TMEM177: variants seen among roughly 807,000 people sequenced by gnomAD.
The protein encoded by TMEM177 is transmembrane protein 177.
Under a neutral mutation model 14.2 loss-of-function variants are expected in TMEM177, and 4 were observed. The observed-to-expected ratio is 0.28, with a 90% CI of 0.14 to 0.64. The LOEUF (loss-of-function observed/expected upper bound fraction) is 0.64. Ranked by LOEUF, TMEM177 falls within the 30% of genes least tolerant of loss-of-function variation. The pLI, the probability that TMEM177 is intolerant of heterozygous loss-of-function variation, is 0.82. For missense variants in TMEM177, 344 were observed against 405.2 expected (o/e 0.85, Z 1.30); for synonymous variants, 179 against 174.5 (o/e 1.03, Z -0.20).
chr2:119,703,067 G>T, the TMEM177 span, among the ~76,000 whole-genome samples: 2 of 152,236 alleles, frequency 1.3e-5, no homozygotes, highest in Non-Finnish European at 1.5e-5. Flanking sequence ...CTCAGCAGGA[G>T]CCCCCGGGAG....
the TMEM177 span, among the ~76,000 whole-genome samples, chr2:119,722,082 T>G: frequency 6.6e-6 from 1 of 152,104 alleles, no homozygotes; most frequent in African/African-American, 2.4e-5. Context: ...TGACGTTCTG[T>G]TAGAAAGGGA....
chr2:119,688,970 C>G (rs1314616629), downstream of TMEM177, among the ~76,000 whole-genome samples: 2 of 152,188 alleles, frequency 1.3e-5, no homozygotes, highest in East Asian at 3.8e-4. Context: ...TCGTGGGACT[C>G]CTCCAGTAGG....
chr2:119,701,429 C>T, the TMEM177 span, among the ~76,000 whole-genome samples: 4 of 151,588 alleles, frequency 2.6e-5, no homozygotes, highest in South Asian at 2.1e-4. Flanking sequence ...GGCAGGACCG[C>T]GAGTGGGTTG....
downstream of TMEM177, among the ~76,000 whole-genome samples, chr2:119,691,373 G>A (rs965811536): frequency 4.6e-5 from 7 of 152,144 alleles, no homozygotes; most frequent in African/African-American, 9.7e-5. Context: ...CTGAGGAAAC[G>A]GAGCATAGTT....
At chr2:119,697,637 C>A in the TMEM177 span, among the ~76,000 whole-genome samples, 1 of 152,170 alleles carries the variant, frequency 6.6e-6, no homozygotes, top group African/African-American at 2.4e-5. Flanking sequence ...TGCAGGCCCC[C>A]CTTCCCAGAA....
the TMEM177 span, among the ~76,000 whole-genome samples, chr2:119,721,790 A>G: frequency 1.2e-4 from 19 of 152,200 alleles, no homozygotes; most frequent in Admixed American, 3.3e-4. Context: ...CTACTAGTCT[A>G]TTTCCAGCAA....
downstream of TMEM177, among the ~76,000 whole-genome samples, chr2:119,688,187 T>C (rs1475436817): frequency 1.3e-5 from 2 of 152,194 alleles, no homozygotes; most frequent in African/African-American, 4.8e-5. Context: ...TCAAATCTTT[T>C]TTTAAAAATG....
At position 119,682,109 on chromosome 2, in the gene TMEM177, A is replaced by C; in HGVS notation, c.*320A>C. The C allele has an allele frequency of 1.3e-5, 3 of 229,946 alleles. No individual in the cohort carries two copies. The highest frequency in any genetic ancestry group is 2.7e-5 in the Non-Finnish European group (3 of 112,284). The allele number at this position is 229,946 out of a possible 1,614,324, so 14.2% of individuals were successfully genotyped here. A position where few individuals can be genotyped will look rare whatever the true frequency, so the allele number is the denominator to read the frequency against. ...AAGGGTGCACTGTAAATAAACAGACATCCCTCCTTCTTGGTCGTTTTTTTT... is the reference window on the plus strand; with the variant it reads ...AAGGGTGCACTGTAAATAAACAGACCTCCCTCCTTCTTGGTCGTTTTTTTT... On this transcript the variant is annotated 3_prime_UTR_variant, in exon 2 of 2. Coordinates refer to ENST00000272521, the MANE Select transcript of TMEM177 (RefSeq NM_030577.3).
At chr2:119,679,912 G>T (rs1016375434) in intron 1 of TMEM177, among the ~76,000 whole-genome samples, 1 of 152,154 alleles carries the variant, frequency 6.6e-6, no homozygotes, top group East Asian at 1.9e-4. Context: ...CCGAAGTACC[G>T]GAGACTGGGT....
At chr2:119,696,330 G>T in the TMEM177 span, among the ~76,000 whole-genome samples, 3 of 152,190 alleles carry the variant, frequency 2.0e-5, no homozygotes, top group Admixed American at 6.5e-5. Context: ...ACTAGACCTG[G>T]GGAGAAGGTC....
At chr2:119,719,204 C>T in the TMEM177 span, among the ~76,000 whole-genome samples, 2 of 152,332 alleles carry the variant, frequency 1.3e-5, no homozygotes, top group Admixed American at 1.3e-4. Context: ...TTTCCAATCA[C>T]TACCCTCATC....
At chr2:119,695,910 G>A in the TMEM177 span, among the ~76,000 whole-genome samples, 5 of 152,322 alleles carry the variant, frequency 3.3e-5, no homozygotes, top group Admixed American at 3.3e-4. Flanking sequence ...AGCCTCAGCA[G>A]CAAAAGAAGG....
the TMEM177 span, among the ~76,000 whole-genome samples, chr2:119,722,782 G>A: frequency 1.3e-5 from 2 of 152,184 alleles, no homozygotes; most frequent in Non-Finnish European, 2.9e-5. Flanking sequence ...AGTGCTTGCC[G>A]GGCATGGTGC....
the TMEM177 span, among the ~76,000 whole-genome samples, chr2:119,721,463 T>G: frequency 8.5e-5 from 13 of 152,210 alleles, no homozygotes; most frequent in Admixed American, 7.9e-4. Context: ...ACTATAATCA[T>G]AATGTAGGCT....
At chr2:119,705,182 C>T in the TMEM177 span, among the ~76,000 whole-genome samples, 1 of 152,242 alleles carries the variant, frequency 6.6e-6, no homozygotes, top group Non-Finnish European at 1.5e-5. Flanking sequence ...TCTTTATTCT[C>T]TATTCCACTG....
chr2:119,705,290 G>A, the TMEM177 span, among the ~76,000 whole-genome samples: 1 of 152,128 alleles, frequency 6.6e-6, no homozygotes, highest in Non-Finnish European at 1.5e-5. Flanking sequence ...TCGGCTCAGG[G>A]ACTCACAAGG....
downstream of TMEM177, among the ~76,000 whole-genome samples, chr2:119,687,068 T>C (rs1689027500): frequency 6.8e-6 from 1 of 147,972 alleles, no homozygotes; most frequent in Non-Finnish European, 1.5e-5. Context: ...AATACAGATA[T>C]ACATTGAGGG....
chr2:119,699,988 A>G, the TMEM177 span: 1 of 349,190 alleles, frequency 2.9e-6, no homozygotes, highest in Admixed American at 3.0e-5. Flanking sequence ...GCCCCTCCAG[A>G]CTTAGAGAGC....
chr2:119,682,090 G>T lies in TMEM177; in HGVS notation c.*301G>T. ...AACATAAGGGCCTGGCACAAAGGGT[G>T]CACTGTAAATAAACAGACATCCCTC... On this transcript the variant is annotated 3_prime_UTR_variant, in exon 2 of 2. Transcript: ENST00000272521. 1 of 313,320 alleles carries T rather than the reference G, an allele frequency of 3.2e-6. No homozygotes were observed. Among genetic ancestry groups the T allele is most frequent in the Non-Finnish European group, 6.2e-6 (1 of 162,160 alleles). The allele number at this position is 313,320 out of a possible 1,614,324, so 19.4% of individuals were successfully genotyped here.
Sources: gnomAD v4.1 joint callset for allele counts (sites outside exome capture counted in the v4.1 genomes callset) on GRCh38, gnomAD v4.1.1 for gene constraint, MANE v1.5 for transcripts, NCBI Gene and HGNC (gene_info 2026-07-23, HGNC 2026-07-21) for gene names.